Variants in THRAP3 observed in about 807,000 individuals in gnomAD.
The protein encoded by THRAP3 is thyroid hormone receptor-associated protein 3.
In THRAP3, 16 loss-of-function variants were observed where a neutral mutation model predicts 101.0. That is an observed-to-expected ratio of 0.16 (90% CI 0.11 to 0.24). The LOEUF (loss-of-function observed/expected upper bound fraction) is 0.24. Among genes scored for constraint, THRAP3 ranks in the 10% least tolerant of loss-of-function variants. The pLI is 1.00. For missense variants in THRAP3, 989 were observed against 1,202.7 expected, an observed-to-expected ratio of 0.82 and a Z score of 2.63; for synonymous variants, 407 against 422.6, an observed-to-expected ratio of 0.96 and a Z score of 0.45.
At chr1:36,284,761 G>A (rs1645775224) in intron 3 of THRAP3, among the ~76,000 whole-genome samples, 1 of 152,200 alleles carries the variant, frequency 6.6e-6, no homozygotes, top group Non-Finnish European at 1.5e-5. Context: ...AGCAGCAGTA[G>A]CCTGTGAGGA....
chr1:36,253,760 A>ATTTTTTTTTTTTTTT (rs58306701), intron 1 of THRAP3, among the ~76,000 whole-genome samples: 294 of 99,890 alleles, frequency 2.9e-3, no homozygotes, highest in Non-Finnish European at 3.9e-3. Context: ...AGTCAGGCTA[A>ATTTTTTTTTTTTTTT]TTTTTTTTTT....
chr1:36,244,797 A>C (rs1245838476), intron 1 of THRAP3, among the ~76,000 whole-genome samples: 3 of 151,474 alleles, frequency 2.0e-5, no homozygotes, highest in Non-Finnish European at 4.4e-5. Flanking sequence ...AGCTCACTGC[A>C]ACCTCCGACT....
chr1:36,264,816 T>C (rs1193406439), intron 2 of THRAP3, among the ~76,000 whole-genome samples: 1 of 152,194 alleles, frequency 6.6e-6, no homozygotes, highest in Non-Finnish European at 1.5e-5. Context: ...TTATATTTGC[T>C]AGGGCTGCTA....
chr1:36,265,570 T>C (rs1409490826), intron 2 of THRAP3, among the ~76,000 whole-genome samples: 7 of 151,666 alleles, frequency 4.6e-5, no homozygotes, highest in Non-Finnish European at 2.9e-5. Flanking sequence ...TGGTACTTGT[T>C]GGGCCATATT....
Position 36,289,450 on chromosome 1 carries a change from A to G in THRAP3, c.1431A>G (p.Ala477=). Residue 477 remains alanine (A), a synonymous_variant, in exon 5 of 12, where the codon GCA becomes GCG. Coordinates refer to ENST00000354618, the MANE Select transcript of THRAP3 (RefSeq NM_005119.4). The part of the protein sequence containing the change: ...KSGKWEGLVY[A]PPGKEKQRKT... Reference sequence around the variant, plus strand: ...GCAAATGGGAGGGCCTGGTATATGCACCTCCAGGGAAGGAAAAGCAGAGAA... The same window carrying G: ...GCAAATGGGAGGGCCTGGTATATGCGCCTCCAGGGAAGGAAAAGCAGAGAA... The G allele has an allele frequency of 6.2e-7, 1 of 1,614,196 alleles. No individual in the cohort carries two copies. The highest frequency in any genetic ancestry group is 8.5e-7 in the Non-Finnish European group (1 of 1,180,034).
chr1:36,270,571 G>GGTT lies in THRAP3; in HGVS notation c.-32+11087_-32+11088insGTT, dbSNP rs1553121666. Among the ~76,000 whole-genome samples, 99 of 31,878 alleles carry GGTT rather than the reference G, an allele frequency of 3.1e-3. 7 individuals carry two copies. The highest frequency in any genetic ancestry group is 6.7e-3 in the African/African-American group (95 of 14,182). 20.9% of individuals were successfully genotyped at this position (31,878 alleles called of 152,430 possible). ...TAAAAATACAGTTCTATTTGTTTAG[G>GGTT]TTTTTGTTTTTTTTTTTTTTTTTGA... On this transcript the variant is annotated intron_variant, in intron 2 of 11. Coordinates refer to ENST00000354618, the MANE Select transcript of THRAP3 (RefSeq NM_005119.4).
intron 1 of THRAP3, among the ~76,000 whole-genome samples, chr1:36,230,248 A>G (rs1645013088): frequency 6.6e-6 from 1 of 151,662 alleles, no homozygotes; most frequent in Admixed American, 6.6e-5. Flanking sequence ...CCTCCCGAGT[A>G]GCTGGGGTTA....
In THRAP3 at chr1:36,282,623, A is replaced by G. The variant is rs748399626; in HGVS notation, c.60A>G (p.Ser20=). 4 of 1,613,946 alleles carry G rather than the reference A, an allele frequency of 2.5e-6. No homozygotes were observed. In the African/African-American group the frequency reaches 4.0e-5, roughly 16 times the overall value. The change falls in exon 3 of 12, where the codon TCA becomes TCG. Residue 20 remains serine, a synonymous_variant. Coordinates refer to ENST00000354618, the MANE Select transcript of THRAP3 (RefSeq NM_005119.4). ...GSRSSRSRSA[S]RSRSRSFSKS... ...GCTCTTCTCGCTCAAGATCTGCATC[A>G]AGATCTCGTTCTCGTTCATTTTCGA...
At chr1:36,228,169 T>C (rs565581820) in intron 1 of THRAP3, among the ~76,000 whole-genome samples, 8 of 150,276 alleles carry the variant, frequency 5.3e-5, no homozygotes, top group Admixed American at 2.0e-4. Flanking sequence ...TGCCTTAGCC[T>C]CCTGAGTAGC....
chr1:36,220,984 T>A (rs1310619521), upstream of THRAP3, among the ~76,000 whole-genome samples: 31 of 130,932 alleles, frequency 2.4e-4, no homozygotes, highest in African/African-American at 9.5e-4. Context: ...TATATATATA[T>A]ATATATATAT....
chr1:36,220,975 ATATAT>A (rs1644900603), upstream of THRAP3, among the ~76,000 whole-genome samples: 12 of 99,330 alleles, frequency 1.2e-4, no homozygotes, highest in African/African-American at 4.7e-4. Context: ...AAAAAAAAAT[ATATAT>A]ATATATATAT....
intron 1 of THRAP3, among the ~76,000 whole-genome samples, chr1:36,227,633 TA>T (rs1644976784): frequency 6.6e-6 from 1 of 152,136 alleles, no homozygotes; most frequent in Admixed American, 6.5e-5. Context: ...ATTTATGTTT[TA>T]AAATCATTTC....
chr1:36,227,648 G>A (rs1335727487), intron 1 of THRAP3, among the ~76,000 whole-genome samples: 1 of 152,172 alleles, frequency 6.6e-6, no homozygotes, highest in Non-Finnish European at 1.5e-5. Flanking sequence ...TCATTTCACA[G>A]AAGTATGGAA....
At position 36,289,337 on chromosome 1, in the gene THRAP3, G is replaced by A. The variant is rs760819686; in HGVS notation, c.1318G>A (p.Gly440Arg). The A allele has an allele frequency of 1.9e-6, 3 of 1,614,082 alleles. No homozygotes were observed. The highest frequency in any genetic ancestry group is 1.7e-6 in the Non-Finnish European group (2 of 1,180,024). ...TGATCAAGATAAGGACAAAGCTAAG[G>A]GAAGAAAGGAATCTGAGTTTGATGA... ...MDDQDKDKAKGRKESEFDDEP... is the reference protein window; with the variant it reads ...MDDQDKDKAKRRKESEFDDEP... Residue 440 changes from glycine to arginine, a missense_variant, in exon 5 of 12, where the codon GGA (glycine) becomes AGA (arginine). Gly to Arg is a moderately radical substitution (Grantham distance 125, BLOSUM62 -2). Coordinates refer to ENST00000354618, the MANE Select transcript of THRAP3 (RefSeq NM_005119.4).
chr1:36,240,556 C>G (rs1261570243), intron 1 of THRAP3, among the ~76,000 whole-genome samples: 1 of 152,192 alleles, frequency 6.6e-6, no homozygotes, highest in African/African-American at 2.4e-5. Flanking sequence ...TCACAGTCCA[C>G]TCACTCACAT....
At chr1:36,246,182 G>T (rs894740085) in intron 1 of THRAP3, among the ~76,000 whole-genome samples, 3 of 152,092 alleles carry the variant, frequency 2.0e-5, no homozygotes, top group Non-Finnish European at 4.4e-5. Flanking sequence ...AAGGCACCTG[G>T]GGCTGGCAGA....
At chr1:36,258,118 CATG>C (rs1223274012) in intron 1 of THRAP3, among the ~76,000 whole-genome samples, 3 of 152,190 alleles carry the variant, frequency 2.0e-5, no homozygotes, top group African/African-American at 7.2e-5. Context: ...GGATTACAGG[CATG>C]AGCCACCACG....
At position 36,304,009 on chromosome 1, in the gene THRAP3, A is replaced by T; in HGVS notation, c.2860A>T (p.Thr954Ser). The T allele has an allele frequency of 6.5e-7, 1 of 1,548,692 alleles. No individual in the cohort carries two copies. The highest frequency in any genetic ancestry group is 8.7e-7 in the Non-Finnish European group (1 of 1,147,536). Residue 954 changes from threonine to serine, a missense_variant, in exon 12 of 12, where the codon ACC becomes TCC. Physicochemically the swap from Thr to Ser is moderately conservative, Grantham distance 58. Transcript: ENST00000354618. ...REEKDNIQPT[T>S]E ...AGAGAAGGACAATATACAGCCCACAACCGAGTAGGGGCCACCCTTGACGGG... is the reference window on the plus strand; with the variant it reads ...AGAGAAGGACAATATACAGCCCACATCCGAGTAGGGGCCACCCTTGACGGG...
intron 1 of THRAP3, among the ~76,000 whole-genome samples, chr1:36,246,479 C>T (rs769846072): frequency 1.3e-5 from 2 of 152,136 alleles, no homozygotes; most frequent in Admixed American, 6.5e-5. Flanking sequence ...GTTATCTCTC[C>T]GCCTTGGCGT....
Sources: allele counts gnomAD v4.1 joint callset (sites outside exome capture counted in the v4.1 genomes callset), GRCh38; gene constraint gnomAD v4.1.1; transcripts MANE v1.5; gene names NCBI Gene and HGNC (gene_info 2026-07-23, HGNC 2026-07-21).